Variants in NCOA7 observed in about 807,000 individuals in gnomAD.
The protein encoded by NCOA7 is nuclear receptor coactivator 7, also known as 140 kDa estrogen receptor-associated protein.
In NCOA7, 45 loss-of-function variants were observed where a neutral mutation model predicts 104.3. That is an observed-to-expected ratio of 0.43 (90% CI 0.34 to 0.55). The LOEUF (loss-of-function observed/expected upper bound fraction) is 0.55, where lower values mean the gene tolerates loss of function less well. Among genes scored for constraint, NCOA7 ranks in the 20% least tolerant of loss-of-function variants. NCOA7 has a pLI of 0.02. For missense variants in NCOA7, 1,041 were observed against 1,119.7 expected (o/e 0.93, Z 1.00); for synonymous variants, 398 against 402.3 (o/e 0.99, Z 0.13).
intron 2 of NCOA7, among the ~76,000 whole-genome samples, chr6:125,853,060 C>A (rs535950759): frequency 6.6e-6 from 1 of 152,194 alleles, no homozygotes; most frequent in African/African-American, 2.4e-5. Context: ...AGTCCATGAG[C>A]ATGGGGTGTA....
At chr6:125,839,009 T>C (rs1396417406) in intron 2 of NCOA7, among the ~76,000 whole-genome samples, 1 of 152,150 alleles carries the variant, frequency 6.6e-6, no homozygotes, top group African/African-American at 2.4e-5. Context: ...ACGCATAGTG[T>C]GTTCATCACC....
intron 7 of NCOA7, among the ~76,000 whole-genome samples, chr6:125,884,526 C>A (rs747619836): frequency 1.1e-4 from 17 of 152,172 alleles, no homozygotes; most frequent in Non-Finnish European, 2.4e-4. Context: ...ATAATTTGAG[C>A]AAGCTTCAGA....
At chr6:125,821,346 A>G (rs2128580238) in intron 2 of NCOA7, among the ~76,000 whole-genome samples, 1 of 152,298 alleles carries the variant, frequency 6.6e-6, no homozygotes, top group African/African-American at 2.4e-5. Flanking sequence ...CTGAGATAAG[A>G]TAGGCGTGTC....
chr6:125,927,537 T>C (rs1788141474), intron 13 of NCOA7, 126 bp from the exon 14 acceptor site: 2 of 702,174 alleles, frequency 2.8e-6, no homozygotes, highest in Non-Finnish European at 5.0e-6. Context: ...TAAGTTTGAG[T>C]GCCAATTTAG....
chr6:125,842,649 CAA>C (rs1461093719), intron 2 of NCOA7, among the ~76,000 whole-genome samples: 3 of 152,098 alleles, frequency 2.0e-5, no homozygotes, highest in Non-Finnish European at 4.4e-5. Context: ...GGATTATAAA[CAA>C]TGATGAACTG....
intron 2 of NCOA7, among the ~76,000 whole-genome samples, chr6:125,824,505 T>C (rs1055109502): frequency 5.3e-5 from 8 of 152,148 alleles, no homozygotes; most frequent in Non-Finnish European, 1.2e-4. Context: ...AATAATACTT[T>C]AAAAAATAAG....
intron 3 of NCOA7, among the ~76,000 whole-genome samples, chr6:125,856,579 C>A (rs1482063722): frequency 6.6e-6 from 1 of 152,150 alleles, no homozygotes; most frequent in Non-Finnish European, 1.5e-5. Context: ...GTCTCGATCT[C>A]TTGACCTCGT....
intron 11 of NCOA7, chr6:125,919,333 G>C (rs1284384914): frequency 1.2e-6 from 2 of 1,612,710 alleles, no homozygotes; most frequent in Non-Finnish European, 8.5e-7. Context: ...ATTAGAGAGA[G>C]AGCCACACTT....
chr6:125,879,863 G>T (rs919641292), intron 5 of NCOA7, among the ~76,000 whole-genome samples: 1 of 152,052 alleles, frequency 6.6e-6, no homozygotes, highest in African/African-American at 2.4e-5. Flanking sequence ...CAGTAGCCAG[G>T]CTTGGTGGTG....
At chr6:125,843,675 T>G (rs1562886672) in intron 2 of NCOA7, among the ~76,000 whole-genome samples, 1 of 152,220 alleles carries the variant, frequency 6.6e-6, no homozygotes. Flanking sequence ...TGTTGACTTA[T>G]AGCACAACAC....
chr6:125,814,938 A>T (rs933406509), intron 1 of NCOA7, among the ~76,000 whole-genome samples: 1 of 152,212 alleles, frequency 6.6e-6, no homozygotes, highest in Non-Finnish European at 1.5e-5. Context: ...GCTTGGGAAG[A>T]GTGATTATGA....
intron 3 of NCOA7, among the ~76,000 whole-genome samples, chr6:125,866,451 T>C (rs1782450288): frequency 6.6e-6 from 1 of 152,246 alleles, no homozygotes; most frequent in Non-Finnish European, 1.5e-5. Context: ...TCACCTAGCT[T>C]CATTTAATTA....
chr6:125,856,362 G>GT (rs60031674), intron 3 of NCOA7, among the ~76,000 whole-genome samples: 36 of 151,368 alleles, frequency 2.4e-4, no homozygotes, highest in African/African-American at 7.0e-4. Context: ...TGTTTTTTGT[G>GT]TTTTTTTTGA....
upstream of NCOA7, among the ~76,000 whole-genome samples, chr6:125,788,890 C>T (rs1774604037): frequency 1.3e-5 from 2 of 151,968 alleles, no homozygotes; most frequent in Non-Finnish European, 2.9e-5. Flanking sequence ...AAAATTCATA[C>T]TCAGTTATAG....
At chr6:125,905,161 T>TA (rs939990052) in intron 10 of NCOA7, among the ~76,000 whole-genome samples, 2 of 152,102 alleles carry the variant, frequency 1.3e-5, no homozygotes, top group African/African-American at 4.8e-5. Context: ...CTGCCAAGGT[T>TA]AAAACGGGTG....
chr6:125,885,291 A>G lies in NCOA7; in HGVS notation c.832A>G (p.Ile278Val), dbSNP rs1784163094. ...CTGCCCCATGGAAGAGGTTGTTTCCATTGCGCTCTACAATGACATTTCTCA... is the reference window on the plus strand; with the variant it reads ...CTGCCCCATGGAAGAGGTTGTTTCCGTTGCGCTCTACAATGACATTTCTCA... The part of the protein sequence containing the change: ...LICPMEEVVS[I>V]ALYNDISHMK... Residue 278 changes from isoleucine to valine, a missense_variant, in exon 8 of 16, where the codon ATT (isoleucine) becomes GTT (valine). Coordinates refer to ENST00000392477, the MANE Select transcript of NCOA7 (RefSeq NM_181782.5). 4 of 1,613,854 alleles carry G rather than the reference A, an allele frequency of 2.5e-6. No homozygotes were observed. Among genetic ancestry groups the G allele is most frequent in the African/African-American group, 1.3e-5 (1 of 74,902 alleles).
At chr6:125,913,605 C>G in intron 10 of NCOA7, 1 of 956,280 alleles carries the variant, frequency 1.0e-6, no homozygotes, top group Non-Finnish European at 1.2e-6. Context: ...GTCATATACA[C>G]TGATACACAC....
At chr6:125,872,025 A>G (rs1318536215) in intron 3 of NCOA7, among the ~76,000 whole-genome samples, 3 of 151,256 alleles carry the variant, frequency 2.0e-5, no homozygotes, top group African/African-American at 7.3e-5. Flanking sequence ...AAAAGACACA[A>G]GACATTTAAG....
intron 2 of NCOA7, among the ~76,000 whole-genome samples, chr6:125,818,172 A>C (rs1276020992): frequency 6.6e-6 from 1 of 151,428 alleles, no homozygotes; most frequent in African/African-American, 2.4e-5. Context: ...TTTAAGAGCT[A>C]TAGTGCCTTC....
Sources: allele counts gnomAD v4.1 joint callset (sites outside exome capture counted in the v4.1 genomes callset), GRCh38; gene constraint gnomAD v4.1.1; transcripts MANE v1.5; gene names NCBI Gene and HGNC (gene_info 2026-07-23, HGNC 2026-07-21).